Variants in SLC24A3 observed in about 807,000 individuals in gnomAD.
The protein encoded by SLC24A3 is solute carrier family 24 member 3, also known as sodium/potassium/calcium exchanger 3.
Under a neutral mutation model 75.8 loss-of-function variants are expected in SLC24A3, and 28 were observed. The ratio of observed to expected loss-of-function variants is 0.37; its 90% CI spans 0.27 to 0.51. The LOEUF is 0.51. SLC24A3 is among the 20% of genes least tolerant of loss of function. SLC24A3 has a pLI of 0.94. For missense variants in SLC24A3, 663 were observed against 847.8 expected (o/e 0.78, Z 2.71); for synonymous variants, 372 against 334.1 (o/e 1.11, Z -1.24).
intron 3 of SLC24A3, among the ~76,000 whole-genome samples, chr20:19,527,300 T>C (rs1189016125): frequency 6.6e-6 from 1 of 152,206 alleles, no homozygotes; most frequent in East Asian, 1.9e-4. Context: ...CACTCATCTT[T>C]ATGTCCCCAT....
intron 1 of SLC24A3, among the ~76,000 whole-genome samples, chr20:19,227,561 G>A (rs966227485): frequency 2.6e-5 from 4 of 151,700 alleles, no homozygotes; most frequent in Non-Finnish European, 5.9e-5. Context: ...ACTTCATTTG[G>A]AATTTATTTT....
At chr20:19,394,266 A>G (rs117710723) in intron 2 of SLC24A3, among the ~76,000 whole-genome samples, 4,654 of 152,298 alleles carry the variant, frequency 0.031, 93 homozygotes, top group South Asian at 0.054. Flanking sequence ...AGAAGAAAAC[A>G]TAGGAGTAAA....
At chr20:19,362,363 C>T (rs1288169941) in intron 2 of SLC24A3, among the ~76,000 whole-genome samples, 5 of 152,190 alleles carry the variant, frequency 3.3e-5, no homozygotes, top group East Asian at 3.9e-4. Flanking sequence ...TCTAGTGTGA[C>T]CACCTGCTGG....
chr20:19,306,013 G>A (rs945947266), intron 2 of SLC24A3, among the ~76,000 whole-genome samples: 1 of 151,674 alleles, frequency 6.6e-6, no homozygotes, highest in African/African-American at 2.4e-5. Context: ...AATCTATAAG[G>A]AACTTAATTC....
intron 1 of SLC24A3, among the ~76,000 whole-genome samples, chr20:19,243,501 AG>A (rs1316587476): frequency 6.6e-6 from 1 of 152,234 alleles, no homozygotes; most frequent in African/African-American, 2.4e-5. Context: ...AGGACCCCAC[AG>A]GGTAGATGCC....
intron 1 of SLC24A3, among the ~76,000 whole-genome samples, chr20:19,241,420 G>A (rs1359666095): frequency 6.6e-6 from 1 of 152,178 alleles, no homozygotes; most frequent in Non-Finnish European, 1.5e-5. Context: ...CTCAGGCCGG[G>A]GATGCTTTTC....
intron 2 of SLC24A3, among the ~76,000 whole-genome samples, chr20:19,293,655 CAAAAAAAA>C (rs760339037): frequency 1.7e-5 from 1 of 57,798 alleles, no homozygotes; most frequent in Admixed American, 1.6e-4. Flanking sequence ...AACTTCGTCT[CAAAAAAAA>C]AAAAAAAAAA....
intron 6 of SLC24A3, among the ~76,000 whole-genome samples, chr20:19,615,592 G>A (rs1338817428): frequency 2.0e-5 from 3 of 152,122 alleles, no homozygotes; most frequent in South Asian, 2.1e-4. Flanking sequence ...TCACTATCAC[G>A]AGAACAGCAC....
At chr20:19,324,652 G>A (rs1212186987) in intron 2 of SLC24A3, among the ~76,000 whole-genome samples, 1 of 152,330 alleles carries the variant, frequency 6.6e-6, no homozygotes, top group East Asian at 1.9e-4. Context: ...AGGCAATCAA[G>A]TTGTTGCTTC....
At chr20:19,491,315 C>A (rs1276748100) in intron 2 of SLC24A3, among the ~76,000 whole-genome samples, 1 of 152,214 alleles carries the variant, frequency 6.6e-6, no homozygotes, top group Non-Finnish European at 1.5e-5. Flanking sequence ...AATCCTCCTT[C>A]CTTGTTACCT....
At chr20:19,436,792 G>C (rs953135965) in intron 2 of SLC24A3, among the ~76,000 whole-genome samples, 2 of 152,132 alleles carry the variant, frequency 1.3e-5, no homozygotes, top group Non-Finnish European at 2.9e-5. Context: ...GCTGGCACCT[G>C]TGCCCTTCCC....
chr20:19,389,659 A>G (rs1017689879), intron 2 of SLC24A3, among the ~76,000 whole-genome samples: 24 of 152,028 alleles, frequency 1.6e-4, no homozygotes, highest in African/African-American at 5.8e-4. Flanking sequence ...CAAAATTATT[A>G]CTTTTTGTCT....
chr20:19,517,627 A>T (rs949253307), intron 3 of SLC24A3, among the ~76,000 whole-genome samples: 3 of 152,180 alleles, frequency 2.0e-5, no homozygotes, highest in Non-Finnish European at 4.4e-5. Flanking sequence ...CCTGGGCCCT[A>T]CACTTTAGAA....
At chr20:19,445,520 A>T (rs563936978) in intron 2 of SLC24A3, among the ~76,000 whole-genome samples, 1 of 152,332 alleles carries the variant, frequency 6.6e-6, no homozygotes, top group South Asian at 2.1e-4. Flanking sequence ...TAAGACGAGG[A>T]AGGGAAGAAC....
intron 2 of SLC24A3, among the ~76,000 whole-genome samples, chr20:19,292,799 C>G (rs913168490): frequency 3.9e-5 from 6 of 152,228 alleles, no homozygotes; most frequent in African/African-American, 1.4e-4. Flanking sequence ...AAATTTATTT[C>G]TTACAGTTCT....
chr20:19,412,027 G>A (rs564909922), intron 2 of SLC24A3, among the ~76,000 whole-genome samples: 12 of 152,044 alleles, frequency 7.9e-5, no homozygotes, highest in South Asian at 2.1e-4. Context: ...TCAGGGTCAC[G>A]GCCTCTTCTT....
At chr20:19,405,154 C>A (rs1986620635) in intron 2 of SLC24A3, among the ~76,000 whole-genome samples, 1 of 152,100 alleles carries the variant, frequency 6.6e-6, no homozygotes, top group Non-Finnish European at 1.5e-5. Context: ...AATCTTAATT[C>A]CAAGGTGCAG....
At chr20:19,690,589 T>C (rs1303204230) in intron 12 of SLC24A3, among the ~76,000 whole-genome samples, 1 of 152,206 alleles carries the variant, frequency 6.6e-6, no homozygotes, top group Non-Finnish European at 1.5e-5. Context: ...GGAAGGCCGT[T>C]GAGGGGATTC....
At chr20:19,456,195 T>C (rs1053017584) in intron 2 of SLC24A3, among the ~76,000 whole-genome samples, 6 of 152,206 alleles carry the variant, frequency 3.9e-5, no homozygotes, top group Non-Finnish European at 8.8e-5. Flanking sequence ...GGAACACTTA[T>C]GGCAAGAGAA....
Sources: allele counts gnomAD v4.1 joint callset (sites outside exome capture counted in the v4.1 genomes callset), GRCh38; gene constraint gnomAD v4.1.1; transcripts MANE v1.5; gene names NCBI Gene and HGNC (gene_info 2026-07-23, HGNC 2026-07-21).